The following SLC10A7 variants were observed in gnomAD, a reference collection of about 807,000 sequenced individuals.
The protein encoded by SLC10A7 is sodium/bile acid cotransporter 7.
In SLC10A7, 29 loss-of-function variants were observed where a neutral mutation model predicts 43.2. The observed-to-expected ratio is 0.67, with a 90% CI of 0.50 to 0.92. The LOEUF (loss-of-function observed/expected upper bound fraction) is 0.92, where lower values mean the gene tolerates loss of function less well. SLC10A7 is among the 40% of genes least tolerant of loss of function. SLC10A7 has a pLI of 0.00. For synonymous variants in SLC10A7, 152 were observed against 144.8 expected, an observed-to-expected ratio of 1.05 and a Z score of -0.35; for missense variants, 295 against 403.2, an observed-to-expected ratio of 0.73 and a Z score of 2.30.
chr4:146,352,709 AC>A (rs1433637144), intron 5 of SLC10A7, among the ~76,000 whole-genome samples: 2 of 106,560 alleles, frequency 1.9e-5, no homozygotes, highest in African/African-American at 7.5e-5. Flanking sequence ...GTGCAATCAA[AC>A]TAGAACTCAG....
intron 5 of SLC10A7, among the ~76,000 whole-genome samples, chr4:146,356,351 T>A (rs1235571834): frequency 6.6e-6 from 1 of 152,180 alleles, no homozygotes; most frequent in African/African-American, 2.4e-5. Context: ...CTAACTATTG[T>A]TCCAAAAGGT....
chr4:146,444,351 T>C (rs1730853999), intron 4 of SLC10A7, among the ~76,000 whole-genome samples: 1 of 152,232 alleles, frequency 6.6e-6, no homozygotes, highest in Admixed American at 6.5e-5. Flanking sequence ...TGAATTCATT[T>C]CTTTCAAGTC....
intron 6 of SLC10A7, among the ~76,000 whole-genome samples, chr4:146,309,902 T>C (rs1035705062): frequency 2.6e-5 from 4 of 152,156 alleles, no homozygotes; most frequent in African/African-American, 9.6e-5. Context: ...GTTTGGGATA[T>C]GGATTATCCC....
At chr4:146,489,482 T>C (rs1735206156) in intron 4 of SLC10A7, among the ~76,000 whole-genome samples, 1 of 152,206 alleles carries the variant, frequency 6.6e-6, no homozygotes, top group Admixed American at 6.5e-5. Context: ...TTAATATATG[T>C]AAAGCACTGA....
At position 146,256,589 on chromosome 4, in the gene SLC10A7, C is replaced by A. The variant is rs1045404797; in HGVS notation, c.994-69G>T. 6.0e-6 allele frequency: 9 copies of A among 1,506,906 alleles called. No individual in the cohort carries two copies. The South Asian group carries it at 7.9e-5, about 13-fold the overall frequency. The allele number at this position is 1,506,906 out of a possible 1,614,324, so 93.3% of individuals were successfully genotyped here. A position where few individuals can be genotyped will look rare whatever the true frequency, so the allele number is the denominator to read the frequency against. ...AGGAAAGTGAAAGCATCAATTAACA[C>A]CAGATAATTTATGCTATTAGAAGGA... On this transcript the variant is annotated intron_variant, in intron 11 of 11. Transcript: ENST00000335472.
intron 4 of SLC10A7, among the ~76,000 whole-genome samples, chr4:146,444,187 T>TG (rs774252601): frequency 1.2e-4 from 19 of 152,224 alleles, no homozygotes; most frequent in Non-Finnish European, 2.5e-4. Context: ...AAATTAGTTG[T>TG]GGTGACACCA....
At chr4:146,517,222 GGAGGCCGAGGCGAGTAGAGCACTT>G in intron 1 of SLC10A7, 102 bp from the exon 2 acceptor site, 1 of 886,866 alleles carries the variant, frequency 1.1e-6, no homozygotes. Flanking sequence ...CAGCACTTTG[GGAGGCCGAGGCGAGTAGAGCACTT>G]GAGGCCAGGA....
At chr4:146,412,987 T>C (rs903846399) in intron 5 of SLC10A7, among the ~76,000 whole-genome samples, 3 of 152,162 alleles carry the variant, frequency 2.0e-5, no homozygotes, top group Non-Finnish European at 4.4e-5. Context: ...AATAAGTATT[T>C]CTTATACAAA....
chr4:146,470,595 G>A (rs1044892213), intron 4 of SLC10A7, among the ~76,000 whole-genome samples: 1 of 152,036 alleles, frequency 6.6e-6, no homozygotes, highest in African/African-American at 2.4e-5. Flanking sequence ...TCTTTTTTCT[G>A]ATATAACACA....
intron 5 of SLC10A7, among the ~76,000 whole-genome samples, chr4:146,410,317 C>T (rs1476347202): frequency 6.6e-6 from 1 of 152,084 alleles, no homozygotes; most frequent in Non-Finnish European, 1.5e-5. Flanking sequence ...TCTCAAACTA[C>T]AAAGCCAACT....
intron 4 of SLC10A7, among the ~76,000 whole-genome samples, chr4:146,468,473 A>ATTTTTTTTTTTTTTTTTTTTT: frequency 1.4e-5 from 2 of 143,610 alleles, no homozygotes; most frequent in East Asian, 4.2e-4. Flanking sequence ...TTATATTTTA[A>ATTTTTTTTTTTTTTTTTTTTT]TTTTTTTTTT....
At chr4:146,359,076 T>C (rs1222626237) in intron 5 of SLC10A7, among the ~76,000 whole-genome samples, 3 of 152,216 alleles carry the variant, frequency 2.0e-5, no homozygotes, top group Admixed American at 6.5e-5. Context: ...GTCATTTTGA[T>C]ACATGTGTGG....
At chr4:146,261,713 T>A (rs1319667532) in intron 10 of SLC10A7, among the ~76,000 whole-genome samples, 2 of 152,214 alleles carry the variant, frequency 1.3e-5, no homozygotes, top group African/African-American at 4.8e-5. Flanking sequence ...TTCTTGCTAG[T>A]CATTAATCAA....
intron 9 of SLC10A7, among the ~76,000 whole-genome samples, chr4:146,289,709 T>G (rs987033422): frequency 8.7e-6 from 1 of 114,930 alleles, no homozygotes; most frequent in Non-Finnish European, 1.8e-5. Flanking sequence ...ATTATTAGTT[T>G]TTTTTTTTTT....
chr4:146,477,811 T>C (rs1579291823), intron 4 of SLC10A7: 1 of 152,340 alleles, frequency 6.6e-6, no homozygotes, highest in East Asian at 1.9e-4. Context: ...GAATAGCTTT[T>C]TGTACATACA....
chr4:146,299,570 C>T (rs1731017420), intron 7 of SLC10A7, among the ~76,000 whole-genome samples: 1 of 152,016 alleles, frequency 6.6e-6, no homozygotes, highest in South Asian at 2.1e-4. Flanking sequence ...AAGGAACGGC[C>T]AGTGCAAAGG....
chr4:146,308,441 G>A (rs1444357503), intron 6 of SLC10A7, among the ~76,000 whole-genome samples: 1 of 152,110 alleles, frequency 6.6e-6, no homozygotes, highest in Non-Finnish European at 1.5e-5. Context: ...CTGGCACAGC[G>A]CAGCCTGTGA....
At chr4:146,490,726 GA>G (rs1579322456) in intron 4 of SLC10A7, among the ~76,000 whole-genome samples, 1 of 151,812 alleles carries the variant, frequency 6.6e-6, no homozygotes, top group South Asian at 2.1e-4. Context: ...TTGCATGAAG[GA>G]AAAAAAACAT....
At chr4:146,409,667 T>C (rs975966907) in intron 5 of SLC10A7, among the ~76,000 whole-genome samples, 1 of 152,210 alleles carries the variant, frequency 6.6e-6, no homozygotes, top group Non-Finnish European at 1.5e-5. Flanking sequence ...TGTGAACTGA[T>C]AAGAACCAAG....
Sources: allele counts gnomAD v4.1 joint callset (sites outside exome capture counted in the v4.1 genomes callset), GRCh38; gene constraint gnomAD v4.1.1; transcripts MANE v1.5; gene names NCBI Gene and HGNC (gene_info 2026-07-23, HGNC 2026-07-21).